Variants in CERS3 observed in about 807,000 individuals in gnomAD.
CERS3 encodes LAG1 homolog, ceramide synthase 3.
CERS3 carries 33 observed loss-of-function variants against 50.3 expected under a neutral mutation model. The ratio of observed to expected loss-of-function variants is 0.66; its 90% CI spans 0.50 to 0.88. CERS3 has a LOEUF of 0.88. Among genes scored for constraint, CERS3 ranks in the 40% least tolerant of loss-of-function variants. The pLI, the probability that CERS3 is intolerant of heterozygous loss-of-function variation, is 0.00. For missense variants in CERS3, 470 were observed against 460.3 expected, an observed-to-expected ratio of 1.02 and a Z score of -0.19; for synonymous variants, 176 against 155.2, an observed-to-expected ratio of 1.13 and a Z score of -0.99.
intron 11 of CERS3, among the ~76,000 whole-genome samples, chr15:100,430,128 C>T (rs1042522423): frequency 4.0e-5 from 6 of 151,846 alleles, no homozygotes; most frequent in Middle Eastern, 3.4e-3. Flanking sequence ...CTGGCTAACA[C>T]GGTGGAACCC....
intron 2 of CERS3, among the ~76,000 whole-genome samples, chr15:100,502,251 GAAAA>G (rs58654483): frequency 5.3e-5 from 6 of 113,698 alleles, no homozygotes; most frequent in African/African-American, 1.0e-4. Flanking sequence ...CTCAAAAAAA[GAAAA>G]AAAAAAAAAA....
At chr15:100,447,320 A>G (rs1350609657) in intron 11 of CERS3, among the ~76,000 whole-genome samples, 1 of 152,196 alleles carries the variant, frequency 6.6e-6, no homozygotes. Context: ...GCAATTGCCA[A>G]TCAGAAAAAT....
intron 11 of CERS3, among the ~76,000 whole-genome samples, chr15:100,434,844 A>G (rs1429308152): frequency 6.6e-6 from 1 of 152,238 alleles, no homozygotes; most frequent in Non-Finnish European, 1.5e-5. Context: ...ACTAATAAAA[A>G]GGAGACTATC....
In CERS3 at chr15:100,469,420, G is replaced by A. The variant is rs765193339; in HGVS notation, c.803C>T (p.Ser268Phe). The A allele has an allele frequency of 1.2e-6, 2 of 1,613,932 alleles. No homozygotes were observed. Among genetic ancestry groups the A allele is most frequent in the Admixed American group, 1.7e-5 (1 of 60,000 alleles). The change falls in exon 10 of 12, where the codon TCC (serine) becomes TTC (phenylalanine). Residue 268 changes from serine to phenylalanine, a missense_variant. By Grantham distance (155) the Ser-to-Phe change is radical (BLOSUM62 -2). Coordinates refer to ENST00000679737, the MANE Select transcript of CERS3 (RefSeq NM_001378789.1). ...QTCNTLFFIF[S>F]TIFFISRLIV... ...GAGGCGGCTGATGAAAAATATGGTG[G>A]AGAAGATGAAAAACAGGGTGTTACA... is the stretch of plus-strand genomic sequence containing the variant.
At chr15:100,459,389 A>G (rs1430611664) in intron 10 of CERS3, among the ~76,000 whole-genome samples, 4 of 152,110 alleles carry the variant, frequency 2.6e-5, no homozygotes, top group Non-Finnish European at 4.4e-5. Context: ...TCTACCTCCC[A>G]GGCTCAAGCA....
rs189227126 is a variant in CERS3 at position 100,405,842 on chromosome 15, C to A, written c.1000-2977G>T. Among the ~76,000 whole-genome samples, 242 of 152,302 alleles carry A rather than the reference C, an allele frequency of 1.6e-3. 2 individuals carry two copies. The highest frequency in any genetic ancestry group is 5.7e-3 in the African/African-American group (238 of 41,576). On this transcript the variant is annotated intron_variant, in intron 11 of 11. Transcript: ENST00000679737. Reference sequence around the variant, plus strand: ...CCTGATAATAATTTTAAAAATAAAACTTATAAGGATTTCTTTTTAAAAAGC... The same window carrying A: ...CCTGATAATAATTTTAAAAATAAAAATTATAAGGATTTCTTTTTAAAAAGC...
chr15:100,416,016 T>C (rs1278215967), intron 11 of CERS3, among the ~76,000 whole-genome samples: 1 of 152,148 alleles, frequency 6.6e-6, no homozygotes, highest in Non-Finnish European at 1.5e-5. Context: ...AAATGTTCCA[T>C]ATTCATGGAT....
intron 2 of CERS3, among the ~76,000 whole-genome samples, chr15:100,505,745 C>T (rs959373241): frequency 6.6e-6 from 1 of 152,220 alleles, no homozygotes; most frequent in Admixed American, 6.5e-5. Context: ...TGATGGCTCA[C>T]ACCTATACAT....
At chr15:100,542,085 TA>T (rs1481583968) in intron 1 of CERS3, among the ~76,000 whole-genome samples, 1 of 152,140 alleles carries the variant, frequency 6.6e-6, no homozygotes, top group Non-Finnish European at 1.5e-5. Flanking sequence ...ATAGAAAATA[TA>T]AAACTAATTA....
At chr15:100,488,867 C>T (rs971257873) in intron 4 of CERS3, among the ~76,000 whole-genome samples, 1 of 151,610 alleles carries the variant, frequency 6.6e-6, no homozygotes, top group Non-Finnish European at 1.5e-5. Context: ...ACCTCCAACT[C>T]CCTGGTTCAA....
chr15:100,494,151 TTTG>T (rs1195703308), intron 3 of CERS3, among the ~76,000 whole-genome samples: 1 of 147,978 alleles, frequency 6.8e-6, no homozygotes, highest in South Asian at 2.1e-4. Flanking sequence ...CTCCCCAAAG[TTTG>T]TTGTTTTTGC....
intron 10 of CERS3, among the ~76,000 whole-genome samples, chr15:100,456,889 G>C (rs1176925345): frequency 1.3e-5 from 2 of 150,706 alleles, no homozygotes; most frequent in African/African-American, 4.9e-5. Context: ...GGAGGTTGCA[G>C]TGAGCCGAGA....
At chr15:100,423,944 T>C (rs1207962388) in intron 11 of CERS3, among the ~76,000 whole-genome samples, 1 of 125,050 alleles carries the variant, frequency 8.0e-6, no homozygotes, top group Non-Finnish European at 1.6e-5. Flanking sequence ...TCTTTCTTTC[T>C]TTTTTTTTTT....
At chr15:100,462,970 C>T (rs1030737513) in intron 10 of CERS3, among the ~76,000 whole-genome samples, 1 of 152,164 alleles carries the variant, frequency 6.6e-6, no homozygotes, top group Non-Finnish European at 1.5e-5. Flanking sequence ...TTAGGCAATA[C>T]ACACTGAATT....
chr15:100,469,436 G>C lies in CERS3; in HGVS notation c.787C>G (p.Leu263Val). ...AATATGGTGGAGAAGATGAAAAACA[G>C]GGTGTTACAGGTCTGCGTCCATCCA... ...YAGWTQTCNT[L>V]FFIFSTIFFI... Residue 263 changes from leucine (L) to valine (V), a missense_variant, in exon 10 of 12, where the codon CTG becomes GTG. Transcript: ENST00000679737. 7 of 1,614,068 alleles carry C rather than the reference G, an allele frequency of 4.3e-6. No individual in the cohort carries two copies. The highest frequency in any genetic ancestry group is 4.2e-6 in the Non-Finnish European group (5 of 1,179,960).
chr15:100,491,330 A>G (rs2035645883), intron 3 of CERS3, among the ~76,000 whole-genome samples: 1 of 152,198 alleles, frequency 6.6e-6, no homozygotes, highest in African/African-American at 2.4e-5. Context: ...AAGTTCTAAC[A>G]TACGAAAAAA....
chr15:100,520,005 TACACCCACATCC>T lies in CERS3; in HGVS notation c.-2+1650_-2+1661del, dbSNP rs948058458. Among the ~76,000 whole-genome samples the T allele has an allele frequency of 2.6e-4, 39 of 152,320 alleles. 1 individual carries two copies. Among genetic ancestry groups the T allele is most frequent in the African/African-American group, 9.4e-4 (39 of 41,578 alleles). On this transcript the variant is annotated intron_variant, in intron 2 of 11. Transcript: ENST00000679737. ...GAGTCCATAGGTTCAAGGAGACATG[TACACCCACATCC>T]ATGCCCCCTTTCCAGACTTGCTAGG... is the stretch of plus-strand genomic sequence containing the variant.
At chr15:100,541,039 TGA>T (rs2142439417) in intron 1 of CERS3, among the ~76,000 whole-genome samples, 1 of 152,320 alleles carries the variant, frequency 6.6e-6, no homozygotes, top group Non-Finnish European at 1.5e-5. Flanking sequence ...TTCCAGCTAC[TGA>T]GAGTCTGTAG....
At position 100,490,930 on chromosome 15, in the gene CERS3, A is replaced by G. The variant is rs547575692; in HGVS notation, c.175T>C (p.Phe59Leu). Residue 59 changes from phenylalanine to leucine, a missense_variant and splice_region_variant, in exon 4 of 12, where the codon TTT becomes CTT. Coordinates refer to ENST00000679737, the MANE Select transcript of CERS3 (RefSeq NM_001378789.1). ...LLIIRRVFEK[F>L]VASPLAKSFG... ...GATTTTGCTAGAGGTGAAGCAACAA[A>G]TCTACAAAAATATGAAAAGAAAAAA... 2 of 1,567,896 alleles carry G rather than the reference A, an allele frequency of 1.3e-6. No individual in the cohort carries two copies. The highest frequency in any genetic ancestry group is 3.7e-5 in the Admixed American group (2 of 54,256).
Sources: gnomAD v4.1 joint callset for allele counts (sites outside exome capture counted in the v4.1 genomes callset) on GRCh38, gnomAD v4.1.1 for gene constraint, MANE v1.5 for transcripts, NCBI Gene and HGNC (gene_info 2026-07-23, HGNC 2026-07-21) for gene names.